Variants in PDE1C observed in about 807,000 individuals in gnomAD.
PDE1C encodes the protein dual specificity calcium/calmodulin-dependent 3',5'-cyclic nucleotide phosphodiesterase 1C.
A neutral mutation model predicts 93.1 loss-of-function variants in PDE1C; 62 were observed. The ratio of observed to expected loss-of-function variants is 0.67; its 90% confidence interval spans 0.54 to 0.82. The LOEUF (loss-of-function observed/expected upper bound fraction) is 0.82, where lower values mean the gene tolerates loss of function less well. Ranked by LOEUF, PDE1C falls within the 40% of genes least tolerant of loss-of-function variation. The pLI, the probability that PDE1C is intolerant of heterozygous loss-of-function variation, is 0.00. For missense variants in PDE1C, 742 were observed against 884.6 expected, an observed-to-expected ratio of 0.84 and a Z score of 2.04; for synonymous variants, 325 against 310.1, an observed-to-expected ratio of 1.05 and a Z score of -0.50.
the PDE1C span, among the ~76,000 whole-genome samples, chr7:31,727,124 A>G: frequency 1.3e-5 from 2 of 152,176 alleles, no homozygotes; most frequent in Non-Finnish European, 2.9e-5. Context: ...GAACAAAGCC[A>G]TAGTCCTCAA....
chr7:31,916,211 T>G (rs1321319260), intron 2 of PDE1C, among the ~76,000 whole-genome samples: 1 of 152,166 alleles, frequency 6.6e-6, no homozygotes, highest in African/African-American at 2.4e-5. Flanking sequence ...ATACTATTAC[T>G]ATTGACTTCC....
At position 31,961,587 on chromosome 7, in the gene PDE1C, C is replaced by T. The variant is rs568275849; in HGVS notation, c.129-80727G>A. On this transcript the variant is annotated intron_variant, in intron 2 of 17. Coordinates refer to ENST00000396191, the MANE Select transcript of PDE1C (RefSeq NM_001191057.4). ...GCAACATGAGACACAGGTAAGGAGA[C>T]GGGTTGATTAGACTGAGAAATTAGC... is the stretch of plus-strand genomic sequence containing the variant. Among the ~76,000 whole-genome samples the T allele has an allele frequency of 1.8e-4, 27 of 152,168 alleles. No homozygotes were observed. The East Asian group carries it at 2.3e-3, about 13-fold the overall frequency.
At chr7:32,168,995 T>G (rs751705103) in intron 3 of PDE1C, among the ~76,000 whole-genome samples, 1 of 152,078 alleles carries the variant, frequency 6.6e-6, no homozygotes, top group African/African-American at 2.4e-5. Flanking sequence ...GAAAGAAAAG[T>G]GGAAGAAGTA....
intron 9 of PDE1C, among the ~76,000 whole-genome samples, chr7:31,838,566 G>T (rs1198052391): frequency 1.3e-5 from 2 of 152,010 alleles, no homozygotes; most frequent in African/African-American, 4.8e-5. Context: ...GGTTCACTGG[G>T]CATGCTGTAC....
chr7:31,660,393 A>G, the PDE1C span, among the ~76,000 whole-genome samples: 9 of 152,214 alleles, frequency 5.9e-5, no homozygotes, highest in Non-Finnish European at 1.2e-4. Flanking sequence ...CTACTATATC[A>G]CATAACATTC....
At chr7:32,406,049 A>G (rs572155694) in intron 1 of PDE1C, among the ~76,000 whole-genome samples, 32 of 152,262 alleles carry the variant, frequency 2.1e-4, no homozygotes, top group African/African-American at 7.5e-4. Context: ...CCTGAGGTAG[A>G]CGTTACAAGT....
chr7:31,669,426 T>C, the PDE1C span, among the ~76,000 whole-genome samples: 1 of 152,194 alleles, frequency 6.6e-6, no homozygotes, highest in East Asian at 1.9e-4. Context: ...GCTACTCTTA[T>C]ATAATTTGTA....
the PDE1C span, among the ~76,000 whole-genome samples, chr7:31,621,869 A>G: frequency 6.6e-6 from 1 of 151,098 alleles, no homozygotes; most frequent in East Asian, 2.0e-4. Context: ...CCCATCTCAC[A>G]TGCAGAGACA....
At chr7:31,701,731 C>G in the PDE1C span, among the ~76,000 whole-genome samples, 16 of 152,366 alleles carry the variant, frequency 1.1e-4, no homozygotes, top group South Asian at 6.2e-4. Flanking sequence ...CTACTCTGAT[C>G]AGTCAGCAGC....
At chr7:31,886,186 C>A (rs1797852713) in intron 2 of PDE1C, among the ~76,000 whole-genome samples, 1 of 152,198 alleles carries the variant, frequency 6.6e-6, no homozygotes, top group African/African-American at 2.4e-5. Flanking sequence ...CAGTTCATCA[C>A]ACCCATGTAT....
the PDE1C span, among the ~76,000 whole-genome samples, chr7:31,726,563 C>T: frequency 6.6e-6 from 1 of 152,090 alleles, no homozygotes; most frequent in Non-Finnish European, 1.5e-5. Flanking sequence ...ATGATATGGA[C>T]CTAAACAGAA....
chr7:32,329,565 T>C (rs1365846028), intron 1 of PDE1C, among the ~76,000 whole-genome samples: 1 of 152,234 alleles, frequency 6.6e-6, no homozygotes, highest in Non-Finnish European at 1.5e-5. Context: ...CATTCATTTG[T>C]CCAGTTTTCT....
At chr7:32,101,858 G>A (rs1471720879) in intron 3 of PDE1C, among the ~76,000 whole-genome samples, 2 of 152,176 alleles carry the variant, frequency 1.3e-5, no homozygotes, top group South Asian at 2.1e-4. Flanking sequence ...ATTTGCTTCT[G>A]TGGGGGCCTC....
chr7:31,647,767 A>G, the PDE1C span, among the ~76,000 whole-genome samples: 7 of 151,944 alleles, frequency 4.6e-5, no homozygotes, highest in Non-Finnish European at 8.8e-5. Context: ...TGAAACTAAG[A>G]GCAATTTTAG....
At chr7:31,850,291 T>C (rs931304472) in intron 8 of PDE1C, among the ~76,000 whole-genome samples, 1 of 152,142 alleles carries the variant, frequency 6.6e-6, no homozygotes, top group African/African-American at 2.4e-5. Flanking sequence ...CTGTCCTTAT[T>C]CTTTTCCTTT....
chr7:31,930,721 C>T (rs1241419996), intron 2 of PDE1C, among the ~76,000 whole-genome samples: 3 of 151,644 alleles, frequency 2.0e-5, no homozygotes, highest in Non-Finnish European at 4.4e-5. Flanking sequence ...TGGTGGTACA[C>T]ACCTGTAGTC....
At chr7:31,955,899 C>T (rs1423592328) in intron 2 of PDE1C, among the ~76,000 whole-genome samples, 2 of 152,230 alleles carry the variant, frequency 1.3e-5, no homozygotes, top group South Asian at 2.1e-4. Context: ...TCAGAGGCAA[C>T]ACAGCTTATG....
At chr7:32,074,822 T>C (rs914899820), upstream of PDE1C, among the ~76,000 whole-genome samples, 4 of 152,036 alleles carry the variant, frequency 2.6e-5, no homozygotes, top group African/African-American at 9.7e-5. Context: ...TGGTAACGGG[T>C]AGGGTGTCCT....
chr7:31,676,064 CCA>C, the PDE1C span, among the ~76,000 whole-genome samples: 1 of 152,128 alleles, frequency 6.6e-6, no homozygotes, highest in Non-Finnish European at 1.5e-5. Context: ...TGTACATGCT[CCA>C]GAGTGACTAA....
Sources: gnomAD v4.1 joint callset for allele counts (sites outside exome capture counted in the v4.1 genomes callset) on GRCh38, gnomAD v4.1.1 for gene constraint, MANE v1.5 for transcripts, NCBI Gene and HGNC (gene_info 2026-07-23, HGNC 2026-07-21) for gene names.